Variants in PRTG observed in about 807,000 individuals in gnomAD.
PRTG encodes immunoglobulin superfamily, DCC subclass, member 5.
PRTG carries 67 observed loss-of-function variants against 122.5 expected under a neutral mutation model. The ratio of observed to expected loss-of-function variants is 0.55; its 90% confidence interval spans 0.45 to 0.67. The LOEUF (loss-of-function observed/expected upper bound fraction) is 0.67. Ranked by LOEUF, PRTG falls within the 30% of genes least tolerant of loss-of-function variation. The pLI, the probability that PRTG is intolerant of heterozygous loss-of-function variation, is 0.00. For synonymous variants in PRTG, 554 were observed against 501.1 expected (o/e 1.11, Z -1.41); for missense variants, 1,435 against 1,415.4 (o/e 1.01, Z -0.22).
chr15:55,731,660 T>C (rs1021181717), intron 2 of PRTG, among the ~76,000 whole-genome samples: 2 of 152,072 alleles, frequency 1.3e-5, no homozygotes, highest in Non-Finnish European at 2.9e-5. Context: ...TGAGCCACCA[T>C]GCCCAGCCAC....
At chr15:55,665,077 T>C (rs187487011) in intron 11 of PRTG, among the ~76,000 whole-genome samples, 1 of 151,632 alleles carries the variant, frequency 6.6e-6, no homozygotes, top group Admixed American at 6.6e-5. Context: ...GCTAACACGG[T>C]GAAACGTCAT....
intron 2 of PRTG, among the ~76,000 whole-genome samples, chr15:55,689,165 A>G (rs968243598): frequency 2.6e-5 from 4 of 152,196 alleles, no homozygotes; most frequent in African/African-American, 7.2e-5. Context: ...GATAAGCTGC[A>G]TTAGACTCAA....
At chr15:55,635,954 A>C (rs2059255686) in intron 15 of PRTG, among the ~76,000 whole-genome samples, 1 of 152,104 alleles carries the variant, frequency 6.6e-6, no homozygotes, top group African/African-American at 2.4e-5. Context: ...GTCTAAATTA[A>C]GGAAGTGCCA....
chr15:55,721,677 G>T (rs2030831355), intron 2 of PRTG, among the ~76,000 whole-genome samples: 1 of 152,134 alleles, frequency 6.6e-6, no homozygotes, highest in African/African-American at 2.4e-5. Context: ...ACCCAAGACT[G>T]GGTAATTTGT....
In PRTG at chr15:55,639,724, T is replaced by A. The variant is rs1368354975; in HGVS notation, c.2242A>T (p.Thr748Ser). The A allele has an allele frequency of 1.9e-6, 3 of 1,614,082 alleles. No homozygotes were observed. The South Asian group carries it at 3.3e-5, about 18-fold the overall frequency. Reference protein sequence around the residue: ...IFLHWRRPAFTAAQIINYTIR... With the variant: ...IFLHWRRPAFSAAQIINYTIR... ...GTGTAGTTAATGATTTGTGCAGCGGTGAATGCAGGCCTCCTCCAGTGCAGG... is the reference window on the plus strand; with the variant it reads ...GTGTAGTTAATGATTTGTGCAGCGGAGAATGCAGGCCTCCTCCAGTGCAGG... The change falls in exon 13 of 20, where the codon ACC (threonine) becomes TCC (serine). Residue 748 changes from threonine (T) to serine (S), a missense_variant. Physicochemically the swap from Thr to Ser is moderately conservative, Grantham distance 58 (BLOSUM62 1). Transcript: ENST00000389286.
At chr15:55,736,514 T>C (rs2141891957) in intron 2 of PRTG, among the ~76,000 whole-genome samples, 1 of 152,196 alleles carries the variant, frequency 6.6e-6, no homozygotes, top group South Asian at 2.1e-4. Flanking sequence ...TTTTCATGAA[T>C]CCCACATAAA....
rs1323597755 is a variant in PRTG at position 55,615,123 on chromosome 15, A to G, written c.*4889T>C. 6.6e-6 allele frequency: 1 copy of G among 152,110 alleles called. No individual in the cohort carries two copies. Among genetic ancestry groups the G allele is most frequent in the African/African-American group, 2.4e-5 (1 of 41,444 alleles). 9.4% of individuals were successfully genotyped at this position (152,110 alleles called of 1,614,324 possible). ...GGAAGGAGCTTCAGAGAGATGCTAC[A>G]TGGCTGGCTTTGAAGATGGAAGGAG... On this transcript the variant is annotated 3_prime_UTR_variant, in exon 20 of 20. Coordinates refer to ENST00000389286, the MANE Select transcript of PRTG (RefSeq NM_173814.6).
chr15:55,732,844 T>C (rs1156576892), intron 2 of PRTG, among the ~76,000 whole-genome samples: 5 of 152,032 alleles, frequency 3.3e-5, no homozygotes, highest in African/African-American at 7.2e-5. Context: ...GAAAAAGGGA[T>C]TGGAAAAGCA....
At chr15:55,695,647 A>G (rs2059627863) in intron 2 of PRTG, among the ~76,000 whole-genome samples, 1 of 152,224 alleles carries the variant, frequency 6.6e-6, no homozygotes, top group African/African-American at 2.4e-5. Context: ...CTAAGTCACC[A>G]GTCAGTAGCT....
chr15:55,639,502 C>A (rs1242016035), intron 13 of PRTG, 140 bp downstream of exon 13: 4 of 628,820 alleles, frequency 6.4e-6, no homozygotes, highest in Non-Finnish European at 1.1e-5. Flanking sequence ...AACTCCTAGC[C>A]ACTTCATAAA....
chr15:55,629,728 G>T (rs2059216673), intron 15 of PRTG, among the ~76,000 whole-genome samples: 2 of 151,718 alleles, frequency 1.3e-5, no homozygotes, highest in Admixed American at 1.3e-4. Context: ...AGTGTTTATG[G>T]TAATAGCTGT....
chr15:55,639,749 G>A lies in PRTG; in HGVS notation c.2217C>T (p.Phe739=), dbSNP rs759807341. The change falls in exon 13 of 20, where the codon TTC becomes TTT. Residue 739 remains phenylalanine, a synonymous_variant. Coordinates refer to ENST00000389286, the MANE Select transcript of PRTG (RefSeq NM_173814.6). The part of the protein sequence containing the change: ...YAKANTSSSI[F]LHWRRPAFTA... The stretch of plus-strand genomic sequence containing the variant: ...TGAATGCAGGCCTCCTCCAGTGCAG[G>A]AAGATGGAAGATGAGGTGTTAGCCT... The A allele has an allele frequency of 1.2e-6, 2 of 1,614,222 alleles. No homozygotes were observed. The highest frequency in any genetic ancestry group is 2.2e-5 in the East Asian group (1 of 44,892).
At chr15:55,653,464 T>C (rs964090983) in intron 11 of PRTG, among the ~76,000 whole-genome samples, 2 of 103,316 alleles carry the variant, frequency 1.9e-5, no homozygotes, top group African/African-American at 5.2e-5. Context: ...ATCATCTCTA[T>C]TTTTTTTTTT....
At chr15:55,698,974 C>T (rs2059647230) in intron 2 of PRTG, among the ~76,000 whole-genome samples, 1 of 152,118 alleles carries the variant, frequency 6.6e-6, no homozygotes, top group African/African-American at 2.4e-5. Flanking sequence ...GAAAACAAAA[C>T]AAAACAAAAC....
At chr15:55,698,317 G>A (rs934904932) in intron 2 of PRTG, among the ~76,000 whole-genome samples, 6 of 152,032 alleles carry the variant, frequency 3.9e-5, no homozygotes, top group Non-Finnish European at 1.5e-5. Flanking sequence ...CTTAGACAGG[G>A]TCTCTCTCTG....
intron 11 of PRTG, chr15:55,656,320 C>T (rs945799142): frequency 2.2e-5 from 10 of 454,346 alleles, no homozygotes; most frequent in Non-Finnish European, 3.1e-5. Context: ...TCTCACAATC[C>T]GGACTTATCT....
intron 2 of PRTG, chr15:55,738,106 C>G (rs1284584602): frequency 1.1e-5 from 1 of 94,136 alleles, no homozygotes; most frequent in African/African-American, 3.0e-5. Context: ...ACTCTGAACA[C>G]AGGATAAAGG....
intron 11 of PRTG, among the ~76,000 whole-genome samples, chr15:55,658,595 C>T (rs1555431417): frequency 6.6e-6 from 1 of 152,146 alleles, no homozygotes; most frequent in South Asian, 2.1e-4. Flanking sequence ...GGATTACAGG[C>T]GTGAGCCAAC....
rs1347857824 is a variant in PRTG at position 55,743,083 on chromosome 15, C to T, written c.-152G>A. The T allele has an allele frequency of 1.6e-6, 2 of 1,287,448 alleles. No individual in the cohort carries two copies. Among genetic ancestry groups the T allele is most frequent in the African/African-American group, 1.6e-5 (1 of 64,136 alleles). 79.8% of individuals were successfully genotyped at this position (1,287,448 alleles called of 1,614,324 possible). A position where few individuals can be genotyped will look rare whatever the true frequency, so the allele number is the denominator to read the frequency against. On this transcript the variant is annotated 5_prime_UTR_variant, in exon 1 of 20. Coordinates refer to ENST00000389286, the MANE Select transcript of PRTG (RefSeq NM_173814.6). Reference sequence around the variant, plus strand: ...ACCGGCGTGGCGAGCGTCTCTGCGGCGGCGAGGCTGGTGCTCGGACGGCCG... The same window carrying T: ...ACCGGCGTGGCGAGCGTCTCTGCGGTGGCGAGGCTGGTGCTCGGACGGCCG...
Sources: allele counts gnomAD v4.1 joint callset (sites outside exome capture counted in the v4.1 genomes callset), GRCh38; gene constraint gnomAD v4.1.1; transcripts MANE v1.5; gene names NCBI Gene and HGNC (gene_info 2026-07-23, HGNC 2026-07-21).